SCAPER: variants seen among roughly 807,000 people sequenced by gnomAD.
SCAPER encodes the protein S phase cyclin A-associated protein in the endoplasmic reticulum.
Under a neutral mutation model 182.2 loss-of-function variants are expected in SCAPER, and 98 were observed. The ratio of observed to expected loss-of-function variants is 0.54; its 90% CI spans 0.46 to 0.64. SCAPER has a LOEUF of 0.64. SCAPER is among the 30% of genes least tolerant of loss of function. The pLI is 0.00. For missense variants in SCAPER, 1,432 were observed against 1,690.0 expected, an observed-to-expected ratio of 0.85 and a Z score of 2.68; for synonymous variants, 605 against 564.6, an observed-to-expected ratio of 1.07 and a Z score of -1.01.
At chr15:76,566,857 A>G in intron 23 of SCAPER, among the ~76,000 whole-genome samples, 1 of 152,068 alleles carries the variant, frequency 6.6e-6, no homozygotes, top group South Asian at 2.1e-4. Flanking sequence ...AACATACAGA[A>G]AAGTCAGAAA....
chr15:76,527,973 T>C (rs577444587), intron 23 of SCAPER, among the ~76,000 whole-genome samples: 1 of 152,342 alleles, frequency 6.6e-6, no homozygotes, highest in African/African-American at 2.4e-5. Flanking sequence ...ACTCTGATTT[T>C]CCCCACCAGT....
chr15:76,455,534 C>G (rs2048664122), intron 25 of SCAPER, among the ~76,000 whole-genome samples: 1 of 152,176 alleles, frequency 6.6e-6, no homozygotes, highest in African/African-American at 2.4e-5. Flanking sequence ...TGGCTATTCA[C>G]AGGTGTTATC....
intron 23 of SCAPER, among the ~76,000 whole-genome samples, chr15:76,527,712 C>A (rs2043311554): frequency 6.6e-6 from 1 of 152,228 alleles, no homozygotes; most frequent in Non-Finnish European, 1.5e-5. Flanking sequence ...AGGAGCACAA[C>A]AGAATTATGA....
At chr15:76,472,308 A>T (rs1291040982) in intron 24 of SCAPER, 3 of 659,714 alleles carry the variant, frequency 4.5e-6, no homozygotes, top group Non-Finnish European at 8.5e-6. Flanking sequence ...CCCTGCAGAA[A>T]ATGAAGATGC....
chr15:76,859,415 C>A (rs2071689166), intron 3 of SCAPER, among the ~76,000 whole-genome samples: 1 of 152,132 alleles, frequency 6.6e-6, no homozygotes, highest in African/African-American at 2.4e-5. Flanking sequence ...AGAATAAGCA[C>A]AAGCTGTAAT....
chr15:76,572,617 A>G (rs1472268575), intron 23 of SCAPER, among the ~76,000 whole-genome samples: 1 of 152,200 alleles, frequency 6.6e-6, no homozygotes, highest in Non-Finnish European at 1.5e-5. Flanking sequence ...CATATGCCCT[A>G]GAGTAGAGCA....
chr15:76,729,099 A>G (rs1391134878), intron 16 of SCAPER, among the ~76,000 whole-genome samples: 1 of 152,074 alleles, frequency 6.6e-6, no homozygotes, highest in Non-Finnish European at 1.5e-5. Context: ...TACATCCTTC[A>G]GCCGTGCTGG....
At chr15:76,901,891 T>C (rs1277768719) in intron 1 of SCAPER, among the ~76,000 whole-genome samples, 4 of 152,248 alleles carry the variant, frequency 2.6e-5, no homozygotes, top group Middle Eastern at 3.4e-3. Context: ...AGCTAATTTT[T>C]TGTATTTTTA....
intron 31 of SCAPER, 42 bp from the exon 32 acceptor site, chr15:76,348,778 G>T: frequency 4.2e-6 from 5 of 1,178,784 alleles, no homozygotes; most frequent in Admixed American, 2.9e-5. Context: ...ATAAAAGAGG[G>T]TTAAATTCTT....
At chr15:76,804,322 C>A (rs2065987417) in intron 6 of SCAPER, among the ~76,000 whole-genome samples, 1 of 152,172 alleles carries the variant, frequency 6.6e-6, no homozygotes, top group Non-Finnish European at 1.5e-5. Flanking sequence ...AAAATTAAAT[C>A]TCTGTACTGA....
At chr15:76,508,248 C>T (rs2041757065) in intron 23 of SCAPER, among the ~76,000 whole-genome samples, 1 of 152,022 alleles carries the variant, frequency 6.6e-6, no homozygotes, top group Non-Finnish European at 1.5e-5. Flanking sequence ...AGCAGTATTT[C>T]ATTCATTTTC....
At chr15:76,841,498 T>G (rs572994040) in intron 5 of SCAPER, among the ~76,000 whole-genome samples, 1 of 152,070 alleles carries the variant, frequency 6.6e-6, no homozygotes, top group Admixed American at 6.5e-5. Flanking sequence ...AATACAAAAA[T>G]TAGCCAGGTG....
intron 24 of SCAPER, among the ~76,000 whole-genome samples, chr15:76,497,659 C>T (rs1300921609): frequency 1.3e-5 from 2 of 151,684 alleles, no homozygotes; most frequent in African/African-American, 4.8e-5. Context: ...TAGATGAGTC[C>T]CAAAGAGAAC....
chr15:76,806,944 T>C (rs2066207464), intron 5 of SCAPER, among the ~76,000 whole-genome samples: 1 of 152,198 alleles, frequency 6.6e-6, no homozygotes, highest in Non-Finnish European at 1.5e-5. Context: ...GTTTATTAGC[T>C]CTAATAATTG....
chr15:76,543,943 A>T (rs1046051199), intron 23 of SCAPER, among the ~76,000 whole-genome samples: 1 of 152,224 alleles, frequency 6.6e-6, no homozygotes, highest in African/African-American at 2.4e-5. Context: ...AACATTTCTA[A>T]GGGACTTATA....
At chr15:76,406,975 G>T (rs920424657) in intron 26 of SCAPER, among the ~76,000 whole-genome samples, 3 of 152,162 alleles carry the variant, frequency 2.0e-5, no homozygotes, top group South Asian at 2.1e-4. Context: ...TTCCACTGGG[G>T]ATATCTAAAC....
At chr15:76,599,023 T>A (rs1160904735) in intron 22 of SCAPER, among the ~76,000 whole-genome samples, 1 of 120,180 alleles carries the variant, frequency 8.3e-6, no homozygotes, top group African/African-American at 2.5e-5. Context: ...TGCTAGATTT[T>A]AAAAAAATAA....
intron 3 of SCAPER, 83 bp from the exon 4 acceptor site, chr15:76,857,962 T>G: frequency 1.1e-6 from 1 of 940,976 alleles, no homozygotes; most frequent in Non-Finnish European, 1.6e-6. Context: ...TTAGATAATG[T>G]AAACCTAAAC....
chr15:76,652,479 C>T (rs865840707), intron 21 of SCAPER, among the ~76,000 whole-genome samples: 79 of 112,570 alleles, frequency 7.0e-4, no homozygotes, highest in African/African-American at 2.4e-3. Context: ...TGGTGAACCC[C>T]GTGTCTTTGC....
Sources: gnomAD v4.1 joint callset for allele counts (sites outside exome capture counted in the v4.1 genomes callset) on GRCh38, gnomAD v4.1.1 for gene constraint, MANE v1.5 for transcripts, NCBI Gene and HGNC (gene_info 2026-07-23, HGNC 2026-07-21) for gene names.